USP3: variants seen among roughly 807,000 people sequenced by gnomAD.
The protein encoded by USP3 is ubiquitin carboxyl-terminal hydrolase 3.
In USP3, 20 loss-of-function variants were observed where a neutral mutation model predicts 72.3. That is an observed-to-expected ratio of 0.28 (90% CI 0.19 to 0.40). USP3 has a LOEUF of 0.40. Among genes scored for constraint, USP3 ranks in the 10% least tolerant of loss-of-function variants. The pLI, the probability that USP3 is intolerant of heterozygous loss-of-function variation, is 1.00. For synonymous variants in USP3, 222 were observed against 225.3 expected (o/e 0.99, Z 0.13); for missense variants, 479 against 633.9 (o/e 0.76, Z 2.62).
intron 3 of USP3, among the ~76,000 whole-genome samples, chr15:63,545,986 A>AAC (rs1251576630): frequency 6.6e-6 from 1 of 151,294 alleles, no homozygotes; most frequent in Non-Finnish European, 1.5e-5. Context: ...AAAAAAAAAA[A>AAC]AAAAAAAAAC....
intron 1 of USP3, among the ~76,000 whole-genome samples, chr15:63,512,325 C>T (rs1005138927): frequency 3.5e-5 from 4 of 115,808 alleles, no homozygotes; most frequent in Non-Finnish European, 5.7e-5. Flanking sequence ...TCTTCCTCTT[C>T]TTCCTCTTCC....
chr15:63,555,887 G>A (rs2066499406), intron 4 of USP3, among the ~76,000 whole-genome samples: 1 of 152,176 alleles, frequency 6.6e-6, no homozygotes, highest in African/African-American at 2.4e-5. Context: ...TATTTACTTT[G>A]GATGAACTGG....
intron 1 of USP3, among the ~76,000 whole-genome samples, chr15:63,518,593 C>T (rs534362884): frequency 1.3e-5 from 2 of 152,264 alleles, no homozygotes; most frequent in South Asian, 2.1e-4. Flanking sequence ...CTCAGAGAAA[C>T]ACTGCTAAGA....
At chr15:63,581,345 T>TTGTGTGTGTGTGTGTGTG (rs59188081) in intron 11 of USP3, among the ~76,000 whole-genome samples, 1 of 130,180 alleles carries the variant, frequency 7.7e-6, no homozygotes, top group East Asian at 2.6e-4. Context: ...GTGTTGGTTT[T>TTGTGTGTGTGTGTGTGTG]TGTGTGTGTG....
intron 1 of USP3, among the ~76,000 whole-genome samples, chr15:63,532,284 AT>A (rs1300254065): frequency 6.6e-6 from 1 of 152,240 alleles, no homozygotes; most frequent in Non-Finnish European, 1.5e-5. Flanking sequence ...ATGACATGTG[AT>A]TAAATGACTA....
chr15:63,505,916 C>G (rs755892851), intron 1 of USP3, among the ~76,000 whole-genome samples: 12 of 152,118 alleles, frequency 7.9e-5, no homozygotes, highest in Non-Finnish European at 4.4e-5. Context: ...CATTGTGGGC[C>G]GGAGCTGGGA....
chr15:63,565,248 A>G (rs2066670153), intron 8 of USP3, among the ~76,000 whole-genome samples: 1 of 152,142 alleles, frequency 6.6e-6, no homozygotes, highest in Admixed American at 6.5e-5. Flanking sequence ...CACACCCTCA[A>G]TGTAATCAGC....
chr15:63,588,451 C>T lies in USP3; in HGVS notation c.1215+28C>T. The T allele has an allele frequency of 6.7e-7, 1 of 1,493,138 alleles. No individual in the cohort carries two copies. Among genetic ancestry groups the T allele is most frequent in the Non-Finnish European group, 9.2e-7 (1 of 1,084,536 alleles). 92.5% of individuals were successfully genotyped at this position (1,493,138 alleles called of 1,614,324 possible). A position where few individuals can be genotyped will look rare whatever the true frequency, so the allele number is the denominator to read the frequency against. On this transcript the variant is annotated intron_variant, in intron 12 of 14. Coordinates refer to ENST00000380324, the MANE Select transcript of USP3 (RefSeq NM_006537.4). This position sits in a 1 kb window ranked among gnomAD's most constrained non-coding sequence, Gnocchi z 4.6. Reference sequence around the variant, plus strand: ...GAGTGTTGAATTTTGAGTTATGAAGCAATTTCAATGGGAAAGTGCTTGACT... The same window carrying T: ...GAGTGTTGAATTTTGAGTTATGAAGTAATTTCAATGGGAAAGTGCTTGACT...
chr15:63,557,290 TCTCA>T (rs1242242243), intron 5 of USP3, among the ~76,000 whole-genome samples: 1 of 149,666 alleles, frequency 6.7e-6, no homozygotes, highest in African/African-American at 2.5e-5. Flanking sequence ...TGAGATGGAG[TCTCA>T]CTCTGTCACC....
chr15:63,581,255 C>T (rs1160494930), intron 11 of USP3, among the ~76,000 whole-genome samples: 1 of 151,910 alleles, frequency 6.6e-6, no homozygotes, highest in Admixed American at 6.6e-5. Context: ...GTTGCCAAAT[C>T]TGTGAATGTT....
intron 1 of USP3, among the ~76,000 whole-genome samples, chr15:63,522,724 A>G (rs765517613): frequency 3.9e-5 from 6 of 152,222 alleles, no homozygotes; most frequent in Non-Finnish European, 8.8e-5. Context: ...TTGTAACCCC[A>G]TTTTATTGGA....
chr15:63,559,532 T>C (rs1187644425), intron 6 of USP3, among the ~76,000 whole-genome samples: 1 of 152,250 alleles, frequency 6.6e-6, no homozygotes, highest in East Asian at 1.9e-4. Context: ...AATTATTGAA[T>C]AACTGGAAAC....
At chr15:63,577,187 C>T (rs989120256) in intron 11 of USP3, among the ~76,000 whole-genome samples, 5 of 152,206 alleles carry the variant, frequency 3.3e-5, no homozygotes, top group African/African-American at 1.2e-4. Context: ...GTAGTTTGAT[C>T]TCACTTATAT....
At chr15:63,550,251 C>T (rs934284720) in intron 3 of USP3, among the ~76,000 whole-genome samples, 2 of 152,212 alleles carry the variant, frequency 1.3e-5, no homozygotes, top group African/African-American at 2.4e-5. Context: ...ATCTCTTTAC[C>T]TTGTGATCCA....
chr15:63,529,058 G>A lies in USP3; in HGVS notation c.92-3589G>A. 3 of 1,288,812 alleles carry A rather than the reference G, an allele frequency of 2.3e-6. No individual in the cohort carries two copies. The highest frequency in any genetic ancestry group is 3.0e-6 in the Non-Finnish European group (3 of 988,466). 79.8% of individuals were successfully genotyped at this position (1,288,812 alleles called of 1,614,324 possible). A position where few individuals can be genotyped will look rare whatever the true frequency, so the allele number is the denominator to read the frequency against. Reference sequence around the variant, plus strand: ...TGTGACTGTATTATGCCCTCAGAGAGTACTGTATGTTGCCCAGGCTGGCCT... The same window carrying A: ...TGTGACTGTATTATGCCCTCAGAGAATACTGTATGTTGCCCAGGCTGGCCT... On this transcript the variant is annotated intron_variant, in intron 1 of 14. Coordinates refer to ENST00000380324, the MANE Select transcript of USP3 (RefSeq NM_006537.4). This position sits in a 1 kb window ranked among gnomAD's most constrained non-coding sequence, Gnocchi z 4.2.
At chr15:63,536,840 C>T (rs964557819) in intron 2 of USP3, among the ~76,000 whole-genome samples, 185 bp from the exon 3 acceptor site, 6 of 150,154 alleles carry the variant, frequency 4.0e-5, no homozygotes, top group East Asian at 1.9e-4. Context: ...GGCAACAGAG[C>T]GAGACTCCGT....
rs115790361 is a variant in USP3 at position 63,577,087 on chromosome 15, A to G, written c.1096+2684A>G. On this transcript the variant is annotated intron_variant, in intron 11 of 14. Coordinates refer to ENST00000380324, the MANE Select transcript of USP3 (RefSeq NM_006537.4). The stretch of plus-strand genomic sequence containing the variant: ...AGACCCATCTTAAATAACTTAAGTA[A>G]CTTTTGAAATTAACTAAAAATACGC... 7.9e-3 allele frequency among the ~76,000 whole-genome samples: 1,210 copies of G among 152,350 alleles called. 13 individuals are homozygous for G. The highest frequency in any genetic ancestry group is 0.028 in the African/African-American group (1,159 of 41,580).
At chr15:63,555,010 G>A (rs1225593829) in intron 4 of USP3, among the ~76,000 whole-genome samples, 1 of 152,168 alleles carries the variant, frequency 6.6e-6, no homozygotes, top group East Asian at 1.9e-4. Context: ...TCACTCTTTG[G>A]TGTGGTGATG....
At chr15:63,545,851 G>A (rs988343012) in intron 3 of USP3, among the ~76,000 whole-genome samples, 2 of 151,296 alleles carry the variant, frequency 1.3e-5, no homozygotes, top group Non-Finnish European at 2.9e-5. Context: ...CGTGTCTGTA[G>A]TCTCAGCTAC....
Sources: gnomAD v4.1 joint callset for allele counts (sites outside exome capture counted in the v4.1 genomes callset) on GRCh38, gnomAD v4.1.1 for gene constraint, Gnocchi (gnomAD v3.1) non-coding constraint, MANE v1.5 for transcripts, NCBI Gene and HGNC (gene_info 2026-07-23, HGNC 2026-07-21) for gene names.